PCDHA4: variants seen among roughly 807,000 people sequenced by gnomAD.
PCDHA4 encodes protocadherin alpha 4, also known as protocadherin alpha-4.
In PCDHA4, 49 loss-of-function variants were observed where a neutral mutation model predicts 61.4. That is an observed-to-expected ratio of 0.80 (90% CI 0.63 to 1.01). The LOEUF is 1.01. Among genes scored for constraint, PCDHA4 ranks in the 50% least tolerant of loss-of-function variants. The pLI is 0.00. For synonymous variants in PCDHA4, 590 were observed against 550.3 expected (o/e 1.07, Z -1.01); for missense variants, 1,254 against 1,235.8 (o/e 1.01, Z -0.22).
At chr5:140,948,259 G>A (rs1430770984) in intron 1 of PCDHA4, among the ~76,000 whole-genome samples, 3 of 151,464 alleles carry the variant, frequency 2.0e-5, no homozygotes, top group Non-Finnish European at 3.0e-5. Context: ...TTACATCTGT[G>A]TTCATGTAGA....
chr5:140,841,477 G>A (rs2150316212), intron 1 of PCDHA4: 10 of 1,612,988 alleles, frequency 6.2e-6, no homozygotes, highest in African/African-American at 4.0e-5. Flanking sequence ...CGCAGGACCT[G>A]GGGCTGGAGC....
chr5:140,851,070 T>C, intron 1 of PCDHA4: 1 of 1,351,546 alleles, frequency 7.4e-7, no homozygotes. Flanking sequence ...CTAGTGAGAA[T>C]TATAAACTGT....
chr5:140,897,671 C>T (rs1329195952), intron 1 of PCDHA4, among the ~76,000 whole-genome samples: 1 of 152,066 alleles, frequency 6.6e-6, no homozygotes, highest in Non-Finnish European at 1.5e-5. Flanking sequence ...GTCTTTATAG[C>T]AGCATGATTT....
chr5:140,871,935 T>A (rs373740331), intron 1 of PCDHA4, among the ~76,000 whole-genome samples: 2 of 152,262 alleles, frequency 1.3e-5, no homozygotes, highest in Non-Finnish European at 2.9e-5. Flanking sequence ...TTAGATCAAC[T>A]GGCTTTGTTT....
chr5:140,850,892 G>A (rs2041866822), intron 1 of PCDHA4: 1 of 1,577,404 alleles, frequency 6.3e-7, no homozygotes, highest in South Asian at 1.1e-5. Flanking sequence ...CTGGGAAGGT[G>A]GGTTTTTCTA....
rs141944892 is a variant in PCDHA4, at chr5:140,818,708, C to T, written c.2385+9136C>T. Reference sequence around the variant, plus strand: ...AAAAAATTAGCTAGATGTGGTGGTGCACACCTGTGGTCCCAGCTACTTGGG... The same window carrying T: ...AAAAAATTAGCTAGATGTGGTGGTGTACACCTGTGGTCCCAGCTACTTGGG... On this transcript the variant is annotated intron_variant, in intron 1 of 3. Coordinates refer to ENST00000530339, the MANE Select transcript of PCDHA4 (RefSeq NM_018907.4). Among the ~76,000 whole-genome samples the T allele has an allele frequency of 4.7e-3, 709 of 152,220 alleles. 10 individuals are homozygous for T. Among genetic ancestry groups the T allele is most frequent in the African/African-American group, 0.016 (664 of 41,536 alleles).
At chr5:140,828,417 T>C (rs2150155099) in intron 1 of PCDHA4, 1 of 1,614,214 alleles carries the variant, frequency 6.2e-7, no homozygotes, top group South Asian at 1.1e-5. Context: ...CTGGAGGTGA[T>C]CGTGGACAGG....
chr5:140,954,282 T>C (rs1554221335), intron 1 of PCDHA4, among the ~76,000 whole-genome samples: 1 of 152,220 alleles, frequency 6.6e-6, no homozygotes. Context: ...TGATTTATAT[T>C]CCTTTGGGTA....
At chr5:140,876,483 G>C in intron 1 of PCDHA4, 1 of 1,614,004 alleles carries the variant, frequency 6.2e-7, no homozygotes, top group Non-Finnish European at 8.5e-7. Context: ...GCATGGTCCT[G>C]GTGGAAGTTC....
intron 3 of PCDHA4, among the ~76,000 whole-genome samples, chr5:141,001,477 A>T (rs2098020508): frequency 6.6e-6 from 1 of 152,176 alleles, no homozygotes; most frequent in South Asian, 2.1e-4. Flanking sequence ...AGCAGCGGGG[A>T]AGTGCTGGAA....
chr5:140,866,915 A>T (rs1413291718), intron 1 of PCDHA4: 1 of 152,138 alleles, frequency 6.6e-6, no homozygotes, highest in African/African-American at 2.4e-5. Flanking sequence ...CTCAAAGATG[A>T]GTTCAAAGGG....
intron 3 of PCDHA4, among the ~76,000 whole-genome samples, chr5:140,994,795 G>A (rs2097650396): frequency 6.6e-6 from 1 of 152,184 alleles, no homozygotes; most frequent in Admixed American, 6.6e-5. Flanking sequence ...ATGCGTGCAT[G>A]CAAAAACAAA....
intron 3 of PCDHA4, among the ~76,000 whole-genome samples, chr5:140,985,928 C>G (rs1001132600): frequency 9.9e-5 from 15 of 151,534 alleles, no homozygotes; most frequent in Non-Finnish European, 1.3e-4. Context: ...TTTAGTAGAG[C>G]CGGGGTTTCA....
chr5:140,881,218 T>G (rs997488208), intron 1 of PCDHA4: 10 of 230,756 alleles, frequency 4.3e-5, no homozygotes, highest in Non-Finnish European at 6.4e-5. Flanking sequence ...TGTTGTTTCT[T>G]GGAAAATTAA....
At chr5:140,920,855 A>AC (rs1163764054) in intron 1 of PCDHA4, among the ~76,000 whole-genome samples, 5 of 151,976 alleles carry the variant, frequency 3.3e-5, no homozygotes, top group African/African-American at 4.8e-5. Context: ...AAAAAAAAAA[A>AC]AAACAAACAA....
intron 1 of PCDHA4, among the ~76,000 whole-genome samples, chr5:140,943,500 G>T (rs907493905): frequency 6.6e-6 from 1 of 152,048 alleles, no homozygotes; most frequent in Non-Finnish European, 1.5e-5. Flanking sequence ...TGCTATCAAG[G>T]TTCATGGAAA....
intron 1 of PCDHA4, chr5:140,928,710 T>C (rs1370353227): frequency 3.7e-6 from 6 of 1,614,192 alleles, no homozygotes; most frequent in Non-Finnish European, 5.1e-6. Context: ...CGTCTGACTC[T>C]AGTCTCTTTA....
intron 1 of PCDHA4, among the ~76,000 whole-genome samples, chr5:140,910,641 C>G (rs1270893523): frequency 6.6e-6 from 1 of 152,206 alleles, no homozygotes; most frequent in Non-Finnish European, 1.5e-5. Context: ...CTCCCTAAAC[C>G]TTTTGATCCC....
At chr5:140,897,993 A>G (rs2066447415) in intron 1 of PCDHA4, among the ~76,000 whole-genome samples, 1 of 152,184 alleles carries the variant, frequency 6.6e-6, no homozygotes, top group African/African-American at 2.4e-5. Flanking sequence ...TCTTCTTTTG[A>G]GAAGTGTCTG....
Sources: gnomAD v4.1 joint callset for allele counts (sites outside exome capture counted in the v4.1 genomes callset) on GRCh38, gnomAD v4.1.1 for gene constraint, MANE v1.5 for transcripts, NCBI Gene and HGNC (gene_info 2026-07-23, HGNC 2026-07-21) for gene names.